NOS1AP: variants seen among roughly 807,000 people sequenced by gnomAD.
The protein encoded by NOS1AP is carboxyl-terminal PDZ ligand of neuronal nitric oxide synthase protein.
A neutral mutation model predicts 56.2 loss-of-function variants in NOS1AP; 21 were observed. The observed-to-expected ratio is 0.37, with a 90% CI of 0.26 to 0.54. The LOEUF (loss-of-function observed/expected upper bound fraction) is 0.54. Among genes scored for constraint, NOS1AP ranks in the 20% least tolerant of loss-of-function variants. The pLI is 0.84. For synonymous variants in NOS1AP, 270 were observed against 274.6 expected (o/e 0.98, Z 0.17); for missense variants, 522 against 657.8 (o/e 0.79, Z 2.26).
At chr1:162,106,243 G>A (rs1027752471) in intron 1 of NOS1AP, among the ~76,000 whole-genome samples, 11 of 152,144 alleles carry the variant, frequency 7.2e-5, no homozygotes, top group African/African-American at 2.2e-4. Context: ...CCTTGGCTCC[G>A]TGCAGCTCCT....
intron 2 of NOS1AP, among the ~76,000 whole-genome samples, chr1:162,245,199 A>G (rs964395755): frequency 5.3e-5 from 8 of 152,228 alleles, no homozygotes; most frequent in Non-Finnish European, 8.8e-5. Flanking sequence ...AAACAACCCA[A>G]TTTTAAAAAC....
At chr1:162,309,067 G>A (rs753972941) in intron 4 of NOS1AP, among the ~76,000 whole-genome samples, 9 of 152,120 alleles carry the variant, frequency 5.9e-5, no homozygotes, top group African/African-American at 9.7e-5. Flanking sequence ...CTCTGTTTTT[G>A]TTATAAAAAT....
intron 4 of NOS1AP, among the ~76,000 whole-genome samples, chr1:162,306,285 C>A (rs1032573127): frequency 6.6e-6 from 1 of 152,110 alleles, no homozygotes; most frequent in Non-Finnish European, 1.5e-5. Flanking sequence ...TGATGCTGGG[C>A]CTGAGCTGAC....
intron 2 of NOS1AP, among the ~76,000 whole-genome samples, chr1:162,165,243 C>T (rs531303520): frequency 6.6e-6 from 1 of 152,252 alleles, no homozygotes; most frequent in African/African-American, 2.4e-5. Flanking sequence ...ATTGCTTGAA[C>T]CCAGGAGGCA....
At chr1:162,261,683 T>G (rs999535574) in intron 2 of NOS1AP, among the ~76,000 whole-genome samples, 2 of 152,112 alleles carry the variant, frequency 1.3e-5, no homozygotes, top group African/African-American at 4.8e-5. Flanking sequence ...ATTCCCCCCA[T>G]AGCCTCCAGA....
intron 2 of NOS1AP, among the ~76,000 whole-genome samples, chr1:162,217,267 CTT>C (rs61378473): frequency 4.4e-5 from 3 of 68,362 alleles, no homozygotes; most frequent in African/African-American, 5.9e-5. Context: ...CTGTTGTTAG[CTT>C]TTTTTTTTTT....
At chr1:162,185,087 C>T (rs1651383919) in intron 2 of NOS1AP, among the ~76,000 whole-genome samples, 1 of 152,198 alleles carries the variant, frequency 6.6e-6, no homozygotes, top group South Asian at 2.1e-4. Context: ...GTGGCCCCAT[C>T]CTGTATCTTC....
At chr1:162,091,749 C>T (rs1191951105) in intron 1 of NOS1AP, among the ~76,000 whole-genome samples, 2 of 152,166 alleles carry the variant, frequency 1.3e-5, no homozygotes, top group Non-Finnish European at 2.9e-5. Context: ...CAAGTTTCCT[C>T]CTCCCACTCC....
chr1:162,134,531 G>A (rs180896481), intron 1 of NOS1AP, among the ~76,000 whole-genome samples: 22 of 150,982 alleles, frequency 1.5e-4, no homozygotes, highest in Admixed American at 1.2e-3. Context: ...TGTAAATGGG[G>A]GAGGAGAGGA....
chr1:162,220,168 G>A (rs4356028), intron 2 of NOS1AP, among the ~76,000 whole-genome samples: 82,239 of 152,056 alleles, frequency 0.54, 23,363 homozygotes, highest in Non-Finnish European at 0.65. Context: ...CTGGCCTCAA[G>A]CAATCCTCTC....
At chr1:162,321,731 A>AAAAATATATATATATAT (rs1480278757) in intron 4 of NOS1AP, among the ~76,000 whole-genome samples, 14 of 128,490 alleles carry the variant, frequency 1.1e-4, no homozygotes, top group African/African-American at 2.6e-4. Context: ...AAAAAAAAAA[A>AAAAATATATATATATAT]ATATATATAT....
intron 2 of NOS1AP, among the ~76,000 whole-genome samples, chr1:162,228,769 T>G (rs1653024764): frequency 6.6e-6 from 1 of 152,026 alleles, no homozygotes; most frequent in Non-Finnish European, 1.5e-5. Context: ...ACCCTCAAAT[T>G]AACGCTATCA....
chr1:162,097,283 G>A (rs924922098), intron 1 of NOS1AP, among the ~76,000 whole-genome samples: 3 of 151,974 alleles, frequency 2.0e-5, no homozygotes, highest in East Asian at 3.9e-4. Context: ...TAACTTATAG[G>A]CATTCTATCT....
chr1:162,301,128 G>C (rs1655637901), intron 4 of NOS1AP, among the ~76,000 whole-genome samples: 2 of 152,124 alleles, frequency 1.3e-5, no homozygotes, highest in Non-Finnish European at 2.9e-5. Context: ...AGTAATAAGA[G>C]CTTTCATGCA....
At chr1:162,305,481 A>AT (rs1655796550) in intron 4 of NOS1AP, among the ~76,000 whole-genome samples, 1 of 152,022 alleles carries the variant, frequency 6.6e-6, no homozygotes, top group East Asian at 1.9e-4. Context: ...ACGAAAGTAA[A>AT]TTTTTTTAAT....
intron 1 of NOS1AP, among the ~76,000 whole-genome samples, chr1:162,071,528 C>G (rs1691659155): frequency 6.6e-6 from 1 of 152,100 alleles, no homozygotes; most frequent in South Asian, 2.1e-4. Flanking sequence ...TAACCTTATC[C>G]CAGCCATATT....
At chr1:162,160,986 TC>T (rs1377347318) in intron 2 of NOS1AP, among the ~76,000 whole-genome samples, 3 of 152,154 alleles carry the variant, frequency 2.0e-5, no homozygotes, top group Non-Finnish European at 2.9e-5. Context: ...CTCCCTAGAT[TC>T]CTTGGCTCAT....
intron 1 of NOS1AP, among the ~76,000 whole-genome samples, chr1:162,146,662 C>A (rs67943404): frequency 0.042 from 6,330 of 152,264 alleles, 237 homozygotes; most frequent in African/African-American, 0.093. Context: ...ATAATCTCTG[C>A]CTGTTTTTTG....
chr1:162,252,209 G>A lies in NOS1AP; in HGVS notation c.178-35135G>A, dbSNP rs147686943. 4.3e-3 allele frequency among the ~76,000 whole-genome samples: 651 copies of A among 152,026 alleles called. 7 individuals are homozygous for A. The highest frequency in any genetic ancestry group is 0.015 in the African/African-American group (634 of 41,420). On this transcript the variant is annotated intron_variant, in intron 2 of 9. Coordinates refer to ENST00000361897, the MANE Select transcript of NOS1AP (RefSeq NM_014697.3). ...CTATAGGTGTGTGCTACCATGTCCA[G>A]CTAATTTTTGTATTTTTTATAGAGA...
Sources: gnomAD v4.1 joint callset for allele counts (sites outside exome capture counted in the v4.1 genomes callset) on GRCh38, gnomAD v4.1.1 for gene constraint, MANE v1.5 for transcripts, NCBI Gene and HGNC (gene_info 2026-07-23, HGNC 2026-07-21) for gene names.